RYR3: variants seen among roughly 807,000 people sequenced by gnomAD.
The protein encoded by RYR3 is ryanodine receptor 3.
A neutral mutation model predicts 584.3 loss-of-function variants in RYR3; 207 were observed. The observed-to-expected ratio is 0.35, with a 90% CI of 0.32 to 0.40. The LOEUF (loss-of-function observed/expected upper bound fraction) is 0.40. Ranked by LOEUF, RYR3 falls within the 10% of genes least tolerant of loss-of-function variation. The probability of loss-of-function intolerance (pLI) is 1.00; values close to 1 mark genes in which losing one functional copy is unlikely to be tolerated. For missense variants in RYR3, 5,616 were observed against 6,089.2 expected (o/e 0.92, Z 2.59); for synonymous variants, 2,416 against 2,248.5 (o/e 1.07, Z -2.11).
At chr15:33,713,936 C>T (rs532215387) in intron 43 of RYR3, among the ~76,000 whole-genome samples, 2 of 152,210 alleles carry the variant, frequency 1.3e-5, no homozygotes, top group East Asian at 1.9e-4. Flanking sequence ...AATATCGTCA[C>T]CTGGACAGTT....
rs1210197723 is a variant in RYR3 at position 33,729,503 on chromosome 15, C to G, written c.7203+477C>G. Reference sequence around the variant, plus strand: ...AGGCTGACATTACTCTTCACACTCTCGCTTCTTAGTTTCATGTACTGACCA... The same window carrying G: ...AGGCTGACATTACTCTTCACACTCTGGCTTCTTAGTTTCATGTACTGACCA... On this transcript the variant is annotated intron_variant, in intron 47 of 103. Coordinates refer to ENST00000634891, the MANE Select transcript of RYR3 (RefSeq NM_001036.6). Among the ~76,000 whole-genome samples, 4 of 152,160 alleles carry G rather than the reference C, an allele frequency of 2.6e-5. No homozygotes were observed. The East Asian group carries it at 7.7e-4, about 29-fold the overall frequency.
At chr15:33,423,791 A>G (rs891836360) in intron 1 of RYR3, among the ~76,000 whole-genome samples, 13 of 152,206 alleles carry the variant, frequency 8.5e-5, no homozygotes, top group Admixed American at 7.9e-4. Flanking sequence ...ATTTTTGTTC[A>G]TGAGGTTTCT....
Position 33,809,177 on chromosome 15 carries a change from C to T in RYR3, c.10027-1302C>T, listed in dbSNP as rs75714990. Among the ~76,000 whole-genome samples the T allele has an allele frequency of 2.1e-3, 325 of 152,322 alleles. 6 individuals are homozygous for T. The East Asian group carries it at 0.053, about 25-fold the overall frequency. ...GCCTTTTCCCATAAAATGAATTCTG[C>T]CCAAGCCCAGGAGGACCAGATCTTG... On this transcript the variant is annotated intron_variant, in intron 70 of 103. Coordinates refer to ENST00000634891, the MANE Select transcript of RYR3 (RefSeq NM_001036.6).
chr15:33,629,966 C>T lies in RYR3; in HGVS notation c.2706C>T (p.His902=), dbSNP rs936969935. 2 of 1,604,716 alleles carry T rather than the reference C, an allele frequency of 1.2e-6. No homozygotes were observed. Among genetic ancestry groups the T allele is most frequent in the African/African-American group, 1.3e-5 (1 of 74,716 alleles). The change falls in exon 22 of 104, where the codon CAC becomes CAT. Residue 902 remains histidine, a synonymous_variant. Coordinates refer to ENST00000634891, the MANE Select transcript of RYR3 (RefSeq NM_001036.6). ...GKIRDDNKRQ[H]PCLVEFSKLP... ...TACGAGATGACAATAAAAGACAACA[C>T]CCTTGCCTTGTGGAGTTTTCAAAGC...
At chr15:33,447,110 G>A (rs1596179930) in intron 1 of RYR3, among the ~76,000 whole-genome samples, 1 of 152,230 alleles carries the variant, frequency 6.6e-6, no homozygotes, top group Non-Finnish European at 1.5e-5. Flanking sequence ...ATTTAGCCTG[G>A]CGTAGTATAA....
At chr15:33,642,838 A>G (rs2061906533) in intron 27 of RYR3, among the ~76,000 whole-genome samples, 1 of 152,212 alleles carries the variant, frequency 6.6e-6, no homozygotes, top group African/African-American at 2.4e-5. Context: ...CTCAGTTGGC[A>G]GTGCTGTGAG....
intron 64 of RYR3, among the ~76,000 whole-genome samples, chr15:33,779,836 AC>A (rs1301320986): frequency 1.1e-5 from 1 of 88,452 alleles, no homozygotes; most frequent in Non-Finnish European, 2.6e-5. Flanking sequence ...CCCCGTCTCT[AC>A]TAAAAAAAAA....
intron 60 of RYR3, among the ~76,000 whole-genome samples, chr15:33,765,030 C>CAAAAAAAAAAAA (rs1183335863): frequency 1.2e-5 from 1 of 85,778 alleles, no homozygotes; most frequent in Non-Finnish European, 2.0e-5. Context: ...GACTTCGTCT[C>CAAAAAAAAAAAA]AAAAAAAAAA....
intron 67 of RYR3, among the ~76,000 whole-genome samples, chr15:33,789,809 G>A (rs1311355890): frequency 7.2e-6 from 1 of 139,858 alleles, no homozygotes; most frequent in African/African-American, 2.6e-5. Flanking sequence ...TGAGTAGCTG[G>A]GATTACAGGC....
Position 33,446,098 on chromosome 15 carries a change from A to G in RYR3, c.52-27321A>G, listed in dbSNP as rs148335481. On this transcript the variant is annotated intron_variant, in intron 1 of 103. Transcript: ENST00000634891. ...TCCACACTTGATAATTACTTTATCC[A>G]TGGCGAGGTGCAGAATGAAAACTAG... 3.2e-4 allele frequency among the ~76,000 whole-genome samples: 49 copies of G among 152,322 alleles called. 1 individual carries two copies. In the East Asian group the frequency reaches 9.5e-3, roughly 29 times the overall value.
Position 33,539,433 on chromosome 15 carries a change from C to A in RYR3, c.517C>A (p.Leu173Ile). ...AGTTCGAATTGGCGATGACCTCATCCTCGTCAGCGTGTCCTCTGAAAGATA... is the reference window on the plus strand; with the variant it reads ...AGTTCGAATTGGCGATGACCTCATCATCGTCAGCGTGTCCTCTGAAAGATA... ...EKVRIGDDLI[L>I]VSVSSERYLH... The change falls in exon 6 of 104, where the codon CTC (leucine) becomes ATC (isoleucine). Residue 173 changes from leucine to isoleucine, a missense_variant. By Grantham distance (5) the Leu-to-Ile change is conservative (BLOSUM62 2). Coordinates refer to ENST00000634891, the MANE Select transcript of RYR3 (RefSeq NM_001036.6). The A allele has an allele frequency of 6.3e-7, 1 of 1,599,690 alleles. No homozygotes were observed. The highest frequency in any genetic ancestry group is 8.5e-7 in the Non-Finnish European group (1 of 1,172,044).
chr15:33,386,993 G>A (rs1241285833), intron 1 of RYR3, among the ~76,000 whole-genome samples: 6 of 151,954 alleles, frequency 3.9e-5, no homozygotes, highest in Admixed American at 3.9e-4. Flanking sequence ...GAGTAGCTGG[G>A]ACTACAGGCG....
At chr15:33,794,126 T>C (rs1211114847) in intron 67 of RYR3, among the ~76,000 whole-genome samples, 1 of 116,158 alleles carries the variant, frequency 8.6e-6, no homozygotes, top group Non-Finnish European at 1.6e-5. Context: ...CATAAATATA[T>C]ATTTATATAT....
At chr15:33,694,524 G>A (rs549508697) in intron 38 of RYR3, among the ~76,000 whole-genome samples, 18 of 151,470 alleles carry the variant, frequency 1.2e-4, no homozygotes, top group East Asian at 1.2e-3. Context: ...GATTACAGGC[G>A]TGAGCCACTG....
Position 33,601,416 on chromosome 15 carries a change from C to T in RYR3, c.1789-3C>T. The T allele has an allele frequency of 5.6e-6, 9 of 1,611,786 alleles. No homozygotes were observed. The highest frequency in any genetic ancestry group is 6.8e-6 in the Non-Finnish European group (8 of 1,179,058). ...AAGGTTTGGTGGGTGTGTCCTGCTG[C>T]AGGTTCTGGATATCCTGTGCTCCCT... On this transcript the variant is annotated splice_region_variant and splice_polypyrimidine_tract_variant and intron_variant, in intron 16 of 103. Transcript: ENST00000634891.
chr15:33,490,744 T>TAA (rs3084449), intron 2 of RYR3, among the ~76,000 whole-genome samples: 48,147 of 142,114 alleles, frequency 0.34, 9,511 homozygotes, highest in Non-Finnish European at 0.44. Context: ...TTACTCTTGT[T>TAA]AAAAAAAAAA....
chr15:33,468,662 C>T (rs1026413916), intron 1 of RYR3, among the ~76,000 whole-genome samples: 1 of 152,212 alleles, frequency 6.6e-6, no homozygotes, highest in African/African-American at 2.4e-5. Flanking sequence ...CAGAAGTTTT[C>T]TGCTCTAATA....
intron 62 of RYR3, among the ~76,000 whole-genome samples, chr15:33,769,535 T>G (rs1009494649): frequency 1.6e-5 from 2 of 125,186 alleles, no homozygotes; most frequent in African/African-American, 5.0e-5. Flanking sequence ...AGGAAGGAAA[T>G]GCACAGAGAT....
At chr15:33,401,864 A>T (rs1022518905) in intron 1 of RYR3, among the ~76,000 whole-genome samples, 3 of 152,212 alleles carry the variant, frequency 2.0e-5, no homozygotes, top group African/African-American at 7.2e-5. Flanking sequence ...AACAGTGATT[A>T]TCTCTGGGTG....
Sources: allele counts gnomAD v4.1 joint callset (sites outside exome capture counted in the v4.1 genomes callset), GRCh38; gene constraint gnomAD v4.1.1; transcripts MANE v1.5; gene names NCBI Gene and HGNC (gene_info 2026-07-23, HGNC 2026-07-21).